PCDHGB4: variants seen among roughly 807,000 people sequenced by gnomAD.
PCDHGB4 encodes protocadherin gamma-B4.
PCDHGB4 carries 38 observed loss-of-function variants against 60.5 expected under a neutral mutation model. The ratio of observed to expected loss-of-function variants is 0.63; its 90% CI spans 0.48 to 0.82. The LOEUF (loss-of-function observed/expected upper bound fraction) is 0.82. Among genes scored for constraint, PCDHGB4 ranks in the 40% least tolerant of loss-of-function variants. The pLI is 0.00. For missense variants in PCDHGB4, 1,109 were observed against 1,209.6 expected (o/e 0.92, Z 1.23); for synonymous variants, 456 against 509.7 (o/e 0.89, Z 1.42).
In PCDHGB4 at chr5:141,485,636, G is replaced by A. The variant is rs371040974; in HGVS notation, c.2398-9171G>A. The A allele has an allele frequency of 6.2e-7, 1 of 1,611,922 alleles. No homozygotes were observed. The highest frequency in any genetic ancestry group is 1.1e-5 in the South Asian group (1 of 90,964). On this transcript the variant is annotated intron_variant, in intron 1 of 3. Transcript: ENST00000519479. This position sits in a 1 kb window ranked among gnomAD's most constrained non-coding sequence, Gnocchi z 5.7. ...TCCTCCAGGACAGCGTTTCCCGTTG[G>A]AAAAGGCTCAGGATGCAGATGTGGG...
intron 1 of PCDHGB4, chr5:141,428,889 C>G (rs1486441305): frequency 1.3e-5 from 2 of 150,826 alleles, no homozygotes; most frequent in African/African-American, 4.9e-5. Flanking sequence ...GAGTCTCGCT[C>G]TGTGGTCCAG....
In PCDHGB4 at chr5:141,410,849, CTTTTTTT is replaced by C. The variant is rs759346998; in HGVS notation, c.2397+20584_2397+20590del. 8.7e-3 allele frequency: 1,205 copies of C among 138,184 alleles called. 49 individuals are homozygous for C. Among genetic ancestry groups the C allele is most frequent in the African/African-American group, 0.064 (1,073 of 16,650 alleles). 8.6% of individuals were successfully genotyped at this position (138,184 alleles called of 1,614,324 possible). ...CAGACTGAAGATATTTTGTCTTTGT[CTTTTTTT>C]TTTTTTTTTTTTTTTGAGATGGAGT... is the stretch of plus-strand genomic sequence containing the variant. On this transcript the variant is annotated intron_variant, in intron 1 of 3. Coordinates refer to ENST00000519479, the MANE Select transcript of PCDHGB4 (RefSeq NM_003736.4).
At chr5:141,405,218 G>C in intron 1 of PCDHGB4, 3 of 1,613,986 alleles carry the variant, frequency 1.9e-6, no homozygotes, top group Non-Finnish European at 2.5e-6. Context: ...CTATTCTCAG[G>C]AGTTCTCCCT....
At position 141,390,470 on chromosome 5, in the gene PCDHGB4, G is replaced by A; in HGVS notation, c.2397+189G>A. On this transcript the variant is annotated intron_variant, in intron 1 of 3. Transcript: ENST00000519479. ...AGGAGTAAAGTAGGAGCAATTGTGTGGCCCAACATTTGTTTGTTTTTTAGC... is the reference window on the plus strand; with the variant it reads ...AGGAGTAAAGTAGGAGCAATTGTGTAGCCCAACATTTGTTTGTTTTTTAGC... 4.3e-6 allele frequency: 3 copies of A among 699,244 alleles called. No individual in the cohort carries two copies. In the South Asian group the frequency reaches 6.0e-5, roughly 14 times the overall value. The allele number at this position is 699,244 out of a possible 1,614,324, so 43.3% of individuals were successfully genotyped here.
rs201409669 is a variant in PCDHGB4 at position 141,490,703 on chromosome 5, G to A, written c.2398-4104G>A. The stretch of plus-strand genomic sequence containing the variant: ...GATCCAGACACTGGGGATAATGCCC[G>A]CCTCACCTACTCCATTGTAGGAAAT... On this transcript the variant is annotated intron_variant, in intron 1 of 3. Coordinates refer to ENST00000519479, the MANE Select transcript of PCDHGB4 (RefSeq NM_003736.4). This position sits in a 1 kb window ranked among gnomAD's most constrained non-coding sequence, Gnocchi z 5.4. 2.6e-4 allele frequency: 421 copies of A among 1,614,106 alleles called. No homozygotes were observed. Among genetic ancestry groups the A allele is most frequent in the Middle Eastern group, 6.6e-4 (4 of 6,062 alleles).
chr5:141,403,259 C>G, intron 1 of PCDHGB4: 1 of 1,613,866 alleles, frequency 6.2e-7, no homozygotes, highest in South Asian at 1.1e-5. Context: ...CCCGCGGTGT[C>G]TGGTGAACTT....
At chr5:141,409,863 A>G in intron 1 of PCDHGB4, 3 of 1,612,376 alleles carry the variant, frequency 1.9e-6, no homozygotes, top group Non-Finnish European at 2.5e-6. Flanking sequence ...TTGGTGGGAG[A>G]CCGCAATGAC....
chr5:141,390,185 T>C lies in PCDHGB4; in HGVS notation c.2301T>C (p.Cys767=). 6.2e-7 allele frequency: 1 copy of C among 1,614,042 alleles called. No individual in the cohort carries two copies. The highest frequency in any genetic ancestry group is 8.5e-7 in the Non-Finnish European group (1 of 1,179,902). ...TGKTEFNFLK[C]SEQLSSGQDI... is the part of the protein sequence containing the mutation. ...AGACGGAGTTTAATTTCCTAAAATG[T>C]AGTGAGCAGTTGAGTTCAGGACAAG... The change falls in exon 1 of 4, where the codon TGT becomes TGC. Residue 767 remains cysteine, a synonymous_variant. Coordinates refer to ENST00000519479, the MANE Select transcript of PCDHGB4 (RefSeq NM_003736.4).
chr5:141,509,663 G>A (rs933532930), intron 3 of PCDHGB4, among the ~76,000 whole-genome samples: 1 of 152,140 alleles, frequency 6.6e-6, no homozygotes, highest in Non-Finnish European at 1.5e-5. Context: ...ACTTCTCTGG[G>A]CCCCAGTTTC....
chr5:141,430,637 G>A (rs2097298854), intron 1 of PCDHGB4: 1 of 890,676 alleles, frequency 1.1e-6, no homozygotes, highest in Admixed American at 2.8e-5. Context: ...ACCATCCCTG[G>A]GAGTATGTGG....
At chr5:141,457,719 G>T (rs1437841051) in intron 1 of PCDHGB4, among the ~76,000 whole-genome samples, 1 of 152,226 alleles carries the variant, frequency 6.6e-6, no homozygotes, top group Non-Finnish European at 1.5e-5. Context: ...GTTCCACAAG[G>T]AATTTCAGAT....
At position 141,388,871 on chromosome 5, in the gene PCDHGB4, C is replaced by T; in HGVS notation, c.987C>T (p.Cys329=). 2 of 1,613,930 alleles carry T rather than the reference C, an allele frequency of 1.2e-6. No individual in the cohort carries two copies. The highest frequency in any genetic ancestry group is 8.5e-7 in the Non-Finnish European group (1 of 1,179,854). The change falls in exon 1 of 4, where the codon TGC becomes TGT. Residue 329 remains cysteine (C), a synonymous_variant. Coordinates refer to ENST00000519479, the MANE Select transcript of PCDHGB4 (RefSeq NM_003736.4). ...ARDGGGMIAQ[C]TVEVEVIDEN... ...ACGGTGGAGGAATGATTGCGCAATG[C>T]ACAGTGGAGGTAGAAGTCATAGATG...
intron 1 of PCDHGB4, chr5:141,412,671 A>T (rs1335241581): frequency 6.6e-6 from 1 of 152,290 alleles, no homozygotes; most frequent in Non-Finnish European, 1.5e-5. Flanking sequence ...AATATGACCT[A>T]AAATAAGTAT....
rs774983500 is a variant in PCDHGB4 at position 141,490,973 on chromosome 5, G to T, written c.2398-3834G>T. ...GACTGGGAACACTCAGCCCCCCAGC[G>T]TCTCCCTCGCTCTGCTCCTCCTGGC... On this transcript the variant is annotated intron_variant, in intron 1 of 3. Transcript: ENST00000519479. The surrounding 1 kb of genome is among the most constrained non-coding windows in gnomAD (Gnocchi z 5.4). 1 of 1,613,932 alleles carries T rather than the reference G, an allele frequency of 6.2e-7. No individual in the cohort carries two copies. The highest frequency in any genetic ancestry group is 1.3e-5 in the African/African-American group (1 of 75,040).
intron 1 of PCDHGB4, chr5:141,478,551 G>A (rs759604162): frequency 6.2e-6 from 10 of 1,603,054 alleles, no homozygotes; most frequent in South Asian, 3.3e-5. Context: ...GGACAGGTAA[G>A]GTTTAGCAAG....
chr5:141,482,144 G>A (rs564178008), intron 1 of PCDHGB4, among the ~76,000 whole-genome samples: 2 of 151,756 alleles, frequency 1.3e-5, no homozygotes, highest in African/African-American at 2.4e-5. Flanking sequence ...GGCATAAAAA[G>A]GTCAAGTCAA....
chr5:141,494,751 G>C (rs2099756509), intron 1 of PCDHGB4, 56 bp from the exon 2 acceptor site: 2 of 1,613,426 alleles, frequency 1.2e-6, no homozygotes, highest in African/African-American at 1.3e-5. Flanking sequence ...AGGGGCTCGG[G>C]TGACATTCTA....
chr5:141,448,135 TA>T (rs2098567569), intron 1 of PCDHGB4, among the ~76,000 whole-genome samples: 1 of 151,880 alleles, frequency 6.6e-6, no homozygotes, highest in South Asian at 2.1e-4. Flanking sequence ...CCACCCTCAC[TA>T]TACCTCAGAC....
chr5:141,417,663 C>T (rs2096144136), intron 1 of PCDHGB4: 8 of 901,900 alleles, frequency 8.9e-6, no homozygotes, highest in Non-Finnish European at 1.3e-5. Flanking sequence ...CCTGGGATTC[C>T]CTGCGCAGCC....
Sources: allele counts gnomAD v4.1 joint callset (sites outside exome capture counted in the v4.1 genomes callset), GRCh38; gene constraint gnomAD v4.1.1; non-coding constraint Gnocchi (gnomAD v3.1); transcripts MANE v1.5; gene names NCBI Gene and HGNC (gene_info 2026-07-23, HGNC 2026-07-21).